The following DNAH9 variants were observed in gnomAD, a reference collection of about 807,000 sequenced individuals.
DNAH9 encodes the protein dynein axonemal heavy chain 9, also known as DNAH9 variant protein.
Under a neutral mutation model 471.6 loss-of-function variants are expected in DNAH9, and 345 were observed. The ratio of observed to expected loss-of-function variants is 0.73; its 90% CI spans 0.67 to 0.80. The LOEUF is 0.80. Ranked by LOEUF, DNAH9 falls within the 30% of genes least tolerant of loss-of-function variation. The pLI, the probability that DNAH9 is intolerant of heterozygous loss-of-function variation, is 0.00. For synonymous variants in DNAH9, 2,093 were observed against 2,123.6 expected (o/e 0.99, Z 0.40); for missense variants, 5,407 against 5,609.2 (o/e 0.96, Z 1.15).
In DNAH9 at chr17:11,866,347, C is replaced by T. The variant is rs1055841099; in HGVS notation, c.9934-2787C>T. Among the ~76,000 whole-genome samples the T allele has an allele frequency of 2.2e-4, 34 of 152,226 alleles. No homozygotes were observed. The East Asian group carries it at 6.0e-3, about 27-fold the overall frequency. ...CAGAACAGTGGTTTTTCTTGAACCG[C>T]GAATGCTGCTGTCTGATTGTTCCTC... On this transcript the variant is annotated intron_variant, in intron 50 of 68. Coordinates refer to ENST00000262442, the MANE Select transcript of DNAH9 (RefSeq NM_001372.4).
In DNAH9 at chr17:11,742,384, A is replaced by G. The variant is rs116952783; in HGVS notation, c.6111+71A>G. 144,539 of 1,497,210 alleles carry G rather than the reference A, an allele frequency of 0.097. 8,003 individuals carry two copies. Among genetic ancestry groups the G allele is most frequent in the Non-Finnish European group, 0.11 (116,194 of 1,090,156 alleles). 92.7% of individuals were successfully genotyped at this position (1,497,210 alleles called of 1,614,324 possible). ...CCCAGCTCTGGAAAAGTTCTGGAAC[A>G]AATGTATTAGGAAAACATACTCAAG... is the stretch of plus-strand genomic sequence containing the variant. On this transcript the variant is annotated intron_variant, in intron 30 of 68. Transcript: ENST00000262442.
At chr17:11,912,878 A>AT (rs1973833032) in intron 61 of DNAH9, among the ~76,000 whole-genome samples, 1 of 151,978 alleles carries the variant, frequency 6.6e-6, no homozygotes, top group Non-Finnish European at 1.5e-5. Context: ...TTTTTTAAAG[A>AT]TTTTGTAGGC....
chr17:11,938,555 T>C (rs111511568), intron 66 of DNAH9, among the ~76,000 whole-genome samples: 3 of 152,080 alleles, frequency 2.0e-5, no homozygotes, highest in African/African-American at 7.2e-5. Context: ...GATGTATTTG[T>C]ACCAACTGAC....
In DNAH9 at chr17:11,626,750, C is replaced by T. The variant is rs2072977209; in HGVS notation, c.1351-2667C>T. ...CAGGGTCCTATGGACATTGAAATGTCCTTCCTTATAATTCTCTTCTCTTGT... is the reference window on the plus strand; with the variant it reads ...CAGGGTCCTATGGACATTGAAATGTTCTTCCTTATAATTCTCTTCTCTTGT... On this transcript the variant is annotated intron_variant, in intron 6 of 68. Transcript: ENST00000262442. This position sits in a 1 kb window ranked among gnomAD's most constrained non-coding sequence, Gnocchi z 4.3. Among the ~76,000 whole-genome samples the T allele has an allele frequency of 5.9e-5, 9 of 152,248 alleles. No homozygotes were observed. The highest frequency in any genetic ancestry group is 2.2e-4 in the African/African-American group (9 of 41,550).
intron 19 of DNAH9, among the ~76,000 whole-genome samples, chr17:11,681,669 G>A (rs2074136255): frequency 6.6e-6 from 1 of 152,058 alleles, no homozygotes; most frequent in Non-Finnish European, 1.5e-5. Flanking sequence ...ATATTGTTGG[G>A]TAGACAGACT....
chr17:11,748,423 G>A (rs1240751524), intron 32 of DNAH9, among the ~76,000 whole-genome samples: 1 of 152,180 alleles, frequency 6.6e-6, no homozygotes, highest in Non-Finnish European at 1.5e-5. Flanking sequence ...CTGCCTGGCA[G>A]TAGACTTCAA....
At chr17:11,729,175 G>T (rs2075213209) in intron 28 of DNAH9, among the ~76,000 whole-genome samples, 1 of 152,128 alleles carries the variant, frequency 6.6e-6, no homozygotes, top group South Asian at 2.1e-4. Flanking sequence ...CAAGTCAAGA[G>T]TCTCTCCCAA....
At chr17:11,653,845 C>T (rs1269763149) in intron 14 of DNAH9, among the ~76,000 whole-genome samples, 1 of 152,158 alleles carries the variant, frequency 6.6e-6, no homozygotes, top group Non-Finnish European at 1.5e-5. Context: ...AGTAAATCAG[C>T]AGCTGTTGTA....
intron 1 of DNAH9, among the ~76,000 whole-genome samples, chr17:11,606,443 C>CTTTTTTTTTTTTTTTTTTTTTTTT (rs1404986645): frequency 4.3e-5 from 3 of 69,134 alleles, no homozygotes; most frequent in African/African-American, 1.7e-4. Flanking sequence ...CTTTTCTTTT[C>CTTTTTTTTTTTTTTTTTTTTTTTT]TTTTCTTTTC....
intron 14 of DNAH9, among the ~76,000 whole-genome samples, chr17:11,657,459 G>A (rs1420152643): frequency 6.6e-6 from 1 of 152,012 alleles, no homozygotes; most frequent in Non-Finnish European, 1.5e-5. Context: ...CACATCTTTT[G>A]ACAGATATGT....
chr17:11,735,640 T>C (rs1332523477), intron 28 of DNAH9, among the ~76,000 whole-genome samples: 1 of 152,150 alleles, frequency 6.6e-6, no homozygotes, highest in East Asian at 1.9e-4. Flanking sequence ...TTTCACTGTG[T>C]TAGCCAGGAT....
intron 38 of DNAH9, among the ~76,000 whole-genome samples, chr17:11,771,724 A>T (rs1444183757): frequency 1.3e-5 from 2 of 152,144 alleles, no homozygotes; most frequent in African/African-American, 2.4e-5. Context: ...CCAACAACTG[A>T]TCAGATTACC....
intron 68 of DNAH9, among the ~76,000 whole-genome samples, chr17:11,967,727 C>A (rs928861454): frequency 6.6e-6 from 1 of 151,974 alleles, no homozygotes; most frequent in Non-Finnish European, 1.5e-5. Flanking sequence ...TTGGAAGATA[C>A]CAATAGGTTA....
chr17:11,802,230 G>T (rs1969489680), intron 43 of DNAH9, among the ~76,000 whole-genome samples: 1 of 152,046 alleles, frequency 6.6e-6, no homozygotes, highest in African/African-American at 2.4e-5. Flanking sequence ...AGGATACCAG[G>T]CAGTAAAGGG....
chr17:11,891,564 C>T (rs1206446390), intron 57 of DNAH9, among the ~76,000 whole-genome samples: 1 of 152,114 alleles, frequency 6.6e-6, no homozygotes, highest in African/African-American at 2.4e-5. Flanking sequence ...AGCGTTTCAC[C>T]ATGTTGGCCA....
chr17:11,646,838 G>A (rs145490966), intron 11 of DNAH9, among the ~76,000 whole-genome samples: 3,499 of 152,188 alleles, frequency 0.023, 54 homozygotes, highest in Non-Finnish European at 0.036. Flanking sequence ...ACTTGAACCC[G>A]GGAGGCAGAG....
At chr17:11,670,431 C>G (rs2073955243) in intron 17 of DNAH9, among the ~76,000 whole-genome samples, 1 of 152,130 alleles carries the variant, frequency 6.6e-6, no homozygotes, top group African/African-American at 2.4e-5. Context: ...AATCTCGACC[C>G]CCTTCTCAGA....
At chr17:11,714,370 C>T (rs1411589598) in intron 26 of DNAH9, among the ~76,000 whole-genome samples, 3 of 152,104 alleles carry the variant, frequency 2.0e-5, no homozygotes, top group Non-Finnish European at 4.4e-5. Flanking sequence ...TTTGTTCTAT[C>T]GTCTATCTAG....
intron 44 of DNAH9, 80 bp from the exon 45 acceptor site, chr17:11,810,166 C>T: frequency 4.0e-6 from 6 of 1,488,196 alleles, no homozygotes; most frequent in Non-Finnish European, 5.4e-6. Flanking sequence ...GAAAACGGTT[C>T]CATTTCTAAA....
Sources: allele counts gnomAD v4.1 joint callset (sites outside exome capture counted in the v4.1 genomes callset), GRCh38; gene constraint gnomAD v4.1.1; non-coding constraint Gnocchi (gnomAD v3.1); transcripts MANE v1.5; gene names NCBI Gene and HGNC (gene_info 2026-07-23, HGNC 2026-07-21).